The following SRSF11 variants were observed in gnomAD, a reference collection of about 807,000 sequenced individuals.
SRSF11 encodes serine and arginine rich splicing factor 11, also known as serine/arginine-rich splicing factor 11.
SRSF11 carries 9 observed loss-of-function variants against 56.0 expected under a neutral mutation model. The observed-to-expected ratio is 0.16, with a 90% CI of 0.10 to 0.28. The LOEUF is 0.28. SRSF11 is among the 10% of genes least tolerant of loss of function. The probability of loss-of-function intolerance (pLI) is 1.00; values close to 1 mark genes in which losing one functional copy is unlikely to be tolerated. For synonymous variants in SRSF11, 222 were observed against 215.3 expected (o/e 1.03, Z -0.27); for missense variants, 421 against 600.7 (o/e 0.70, Z 3.13).
In SRSF11 at chr1:70,249,977, A is replaced by G; in HGVS notation, c.1048A>G (p.Ser350Gly). 1 of 1,614,172 alleles carries G rather than the reference A, an allele frequency of 6.2e-7. No homozygotes were observed. The highest frequency in any genetic ancestry group is 1.1e-5 in the South Asian group (1 of 91,080). ...SRERRRRRSR[S>G]GTRSPKKPRS... is the part of the protein sequence containing the mutation. The stretch of plus-strand genomic sequence containing the variant: ...AGAGAGACGACGACGAAGAAGCAGG[A>G]GTGGCACAAGATCTCCTAAAAAGCC... The change falls in exon 10 of 12, where the codon AGT becomes GGT. Residue 350 changes from serine (S) to glycine (G), a missense_variant. Coordinates refer to ENST00000370949, the MANE Select transcript of SRSF11 (RefSeq NM_001350605.2).
chr1:70,244,261 A>G (rs923608978), intron 7 of SRSF11, among the ~76,000 whole-genome samples: 2 of 152,360 alleles, frequency 1.3e-5, no homozygotes, highest in Non-Finnish European at 2.9e-5. Context: ...ATAGCGTGAT[A>G]TAAGTATTTG....
Position 70,244,693 on chromosome 1 carries a change from A to G in SRSF11, c.810A>G (p.Arg270=). The stretch of plus-strand genomic sequence containing the variant: ...CCTTTTACACTATTAGGCGGTCAAG[A>G]AGCAGATCGAGACGGCGGTCACATT... ...TPSSSRHRRS[R]SRSRRRSHSK... The change falls in exon 8 of 12, where the codon AGA becomes AGG. Residue 270 remains arginine (R), a synonymous_variant. Transcript: ENST00000370949. The G allele has an allele frequency of 6.2e-7, 1 of 1,614,116 alleles. No individual in the cohort carries two copies. The highest frequency in any genetic ancestry group is 2.2e-5 in the East Asian group (1 of 44,884).
chr1:70,207,724 CTT>C (rs202160955), intron 1 of SRSF11, among the ~76,000 whole-genome samples: 83 of 136,382 alleles, frequency 6.1e-4, no homozygotes, highest in South Asian at 7.1e-4. Context: ...TTCTTTCGTT[CTT>C]TTTTTTTTTT....
intron 7 of SRSF11, among the ~76,000 whole-genome samples, chr1:70,243,131 A>G (rs1558216080): frequency 6.6e-6 from 1 of 152,050 alleles, no homozygotes. Flanking sequence ...AAGCTATATT[A>G]GTACATCAGT....
At chr1:70,236,322 CTTTCTT>C (rs1368149898) in intron 5 of SRSF11, among the ~76,000 whole-genome samples, 1 of 148,152 alleles carries the variant, frequency 6.7e-6, no homozygotes, top group Admixed American at 6.7e-5. Flanking sequence ...TTTCTTTCTT[CTTTCTT>C]TTTCTTTTTT....
At chr1:70,248,471 TAGAGTGATAACTAA>T (rs2101015888) in intron 9 of SRSF11, 1 of 152,176 alleles carries the variant, frequency 6.6e-6, no homozygotes, top group South Asian at 2.1e-4. Context: ...TAGGGAGGAT[TAGAGTGATAACTAA>T]AGGGTAGGGA....
intron 5 of SRSF11, among the ~76,000 whole-genome samples, chr1:70,237,121 G>T (rs1180511227): frequency 1.3e-5 from 2 of 152,048 alleles, no homozygotes; most frequent in Non-Finnish European, 2.9e-5. Flanking sequence ...AAAGTTCTTA[G>T]CATCAGCATA....
chr1:70,231,312 G>A, intron 2 of SRSF11: 1 of 1,159,596 alleles, frequency 8.6e-7, no homozygotes, highest in Non-Finnish European at 1.1e-6. Flanking sequence ...TTGGGGGCTT[G>A]GGCACATTAA....
At chr1:70,210,767 A>T (rs1286027169) in intron 1 of SRSF11, among the ~76,000 whole-genome samples, 1 of 152,104 alleles carries the variant, frequency 6.6e-6, no homozygotes, top group Non-Finnish European at 1.5e-5. Context: ...CAACACAAAA[A>T]AATTTTAGTC....
At position 70,221,837 on chromosome 1, in the gene SRSF11, G is replaced by A. The variant is rs201971593; in HGVS notation, c.201G>A (p.Pro67=). The change falls in exon 1 of 12, where the codon CCG becomes CCA. Residue 67 remains proline, a splice_region_variant and synonymous_variant. Coordinates refer to ENST00000370949, the MANE Select transcript of SRSF11 (RefSeq NM_001350605.2). The part of the protein sequence containing the change: ...GKIDELRLFP[P]DDSPLPVSSR... ...TCGACGAACTGCGCCTCTTCCCGCCGGAGTGAGTATCGTCCACCATCACTG... is the reference window on the plus strand; with the variant it reads ...TCGACGAACTGCGCCTCTTCCCGCCAGAGTGAGTATCGTCCACCATCACTG... 4.2e-5 allele frequency: 67 copies of A among 1,613,788 alleles called. No homozygotes were observed. The Admixed American group carries it at 8.2e-4, about 20-fold the overall frequency.
At chr1:70,211,046 T>A (rs1669517335) in intron 1 of SRSF11, among the ~76,000 whole-genome samples, 1 of 152,174 alleles carries the variant, frequency 6.6e-6, no homozygotes, top group South Asian at 2.1e-4. Context: ...GTGTTTCCTA[T>A]TATTCACAGT....
At chr1:70,207,565 G>T (rs1380099408) in intron 1 of SRSF11, among the ~76,000 whole-genome samples, 1 of 151,468 alleles carries the variant, frequency 6.6e-6, no homozygotes, top group East Asian at 1.9e-4. Flanking sequence ...CACTTCAGTT[G>T]TTTTTAAGAA....
chr1:70,236,882 G>A (rs940446062), intron 5 of SRSF11, among the ~76,000 whole-genome samples: 1 of 143,602 alleles, frequency 7.0e-6, no homozygotes, highest in African/African-American at 2.6e-5. Context: ...CTGCCTCCCG[G>A]GTTCAAGCAA....
rs1181074432 is a variant in SRSF11 at position 70,252,541 on chromosome 1, G to GT, written c.*1741dup. The GT allele has an allele frequency of 6.6e-6, 1 of 150,916 alleles. No homozygotes were observed. Among genetic ancestry groups the GT allele is most frequent in the Non-Finnish European group, 1.5e-5 (1 of 67,776 alleles). 9.3% of individuals were successfully genotyped at this position (150,916 alleles called of 1,614,324 possible). ...AAATGCCATATAGAAAAACAGCATTGTTTTTACAGTTTGTAGTAAGTAACT... is the reference window on the plus strand; with the variant it reads ...AAATGCCATATAGAAAAACAGCATTGTTTTTTACAGTTTGTAGTAAGTAACT... On this transcript the variant is annotated 3_prime_UTR_variant, in exon 12 of 12. Coordinates refer to ENST00000370949, the MANE Select transcript of SRSF11 (RefSeq NM_001350605.2).
At chr1:70,249,906 G>A (rs1225244289) in intron 9 of SRSF11, 46 bp from the exon 10 acceptor site, 1 of 1,573,784 alleles carries the variant, frequency 6.4e-7, no homozygotes. Context: ...GCATTTTTAA[G>A]ATCACACTGT....
intron 3 of SRSF11, among the ~76,000 whole-genome samples, 162 bp from the exon 4 acceptor site, chr1:70,234,534 T>G (rs912230263): frequency 6.6e-6 from 1 of 152,190 alleles, no homozygotes; most frequent in African/African-American, 2.4e-5. Context: ...CAAGCTATGA[T>G]GGCAGTAGTT....
intron 1 of SRSF11, among the ~76,000 whole-genome samples, chr1:70,209,338 T>G (rs1228924222): frequency 6.6e-6 from 1 of 152,178 alleles, no homozygotes; most frequent in East Asian, 1.9e-4. Flanking sequence ...TGGAGTCAAG[T>G]AAGAGCAAAG....
Position 70,232,373 on chromosome 1 carries a change from C to T in SRSF11, c.443C>T (p.Thr148Ile), listed in dbSNP as rs1672995635. Residue 148 changes from threonine (T) to isoleucine (I), a missense_variant, in exon 3 of 12, where the codon ACC becomes ATC. Around this residue, in one of 2 missense-constraint regions of SRSF11, gnomAD observed 168 missense variants for 294.9 expected, o/e 0.57. Transcript: ENST00000370949. ...CTCCTGCCTACTCCTAACCCACTTA[C>T]CCAGGTACTAGTTCTATTGAATTCT... is the stretch of plus-strand genomic sequence containing the variant. Reference protein sequence around the residue: ...GGLLPTPNPLTQIGAVPLAAL... With the variant: ...GGLLPTPNPLIQIGAVPLAAL... 6.2e-7 allele frequency: 1 copy of T among 1,611,078 alleles called. No homozygotes were observed. Among genetic ancestry groups the T allele is most frequent in the Non-Finnish European group, 8.5e-7 (1 of 1,178,406 alleles).
chr1:70,211,493 C>T (rs778908803), intron 1 of SRSF11, among the ~76,000 whole-genome samples: 1 of 152,134 alleles, frequency 6.6e-6, no homozygotes, highest in African/African-American at 2.4e-5. Flanking sequence ...TTATCCTTAA[C>T]ATCAACTTAA....
Sources: gnomAD v4.1 joint callset for allele counts (sites outside exome capture counted in the v4.1 genomes callset) on GRCh38, gnomAD v4.1.1 for gene constraint, gnomAD v4.1.1 regional missense constraint, MANE v1.5 for transcripts, NCBI Gene and HGNC (gene_info 2026-07-23, HGNC 2026-07-21) for gene names.